R3HDM2: variants seen among roughly 807,000 people sequenced by gnomAD.
R3HDM2 encodes the protein R3H domain-containing protein 2.
Under a neutral mutation model 124.5 loss-of-function variants are expected in R3HDM2, and 38 were observed. The ratio of observed to expected loss-of-function variants is 0.31; its 90% confidence interval spans 0.24 to 0.40. The LOEUF (loss-of-function observed/expected upper bound fraction) is 0.40, where lower values mean the gene tolerates loss of function less well. Ranked by LOEUF, R3HDM2 falls within the 10% of genes least tolerant of loss-of-function variation. R3HDM2 has a pLI of 1.00. For missense variants in R3HDM2, 869 were observed against 1,236.9 expected, an observed-to-expected ratio of 0.70 and a Z score of 4.46; for synonymous variants, 391 against 448.0, an observed-to-expected ratio of 0.87 and a Z score of 1.61.
chr12:57,256,375 G>A (rs375273849), intron 22 of R3HDM2, 39 bp downstream of exon 22: 4 of 1,447,706 alleles, frequency 2.8e-6, no homozygotes, highest in Middle Eastern at 1.8e-4. Flanking sequence ...ATAAGAAGAG[G>A]GGTCTGATGG....
intron 1 of R3HDM2, among the ~76,000 whole-genome samples, chr12:57,425,626 C>A (rs1347561476): frequency 6.6e-6 from 1 of 151,582 alleles, no homozygotes; most frequent in Admixed American, 6.6e-5. Flanking sequence ...ATGGTGAAAC[C>A]CTGTCTCTAC....
chr12:57,430,713 G>T lies in R3HDM2; in HGVS notation c.-106+7C>A. 2.5e-6 allele frequency: 1 copy of T among 394,966 alleles called. No homozygotes were observed. The highest frequency in any genetic ancestry group is 3.4e-6 in the Non-Finnish European group (1 of 291,762). The allele number at this position is 394,966 out of a possible 1,614,324, so 24.5% of individuals were successfully genotyped here. A position where few individuals can be genotyped will look rare whatever the true frequency, so the allele number is the denominator to read the frequency against. On this transcript the variant is annotated splice_region_variant and intron_variant, in intron 1 of 23. Transcript: ENST00000402412. ...CGCCCGCCCCCTCGGCCGGGAGGTG[G>T]CCTCACCTCGCACGGGCCTTGGCGG...
chr12:57,395,044 T>C (rs1349175307), intron 2 of R3HDM2, among the ~76,000 whole-genome samples: 1 of 151,112 alleles, frequency 6.6e-6, no homozygotes, highest in Non-Finnish European at 1.5e-5. Flanking sequence ...CCGTCTCTAC[T>C]AAAAATACAA....
chr12:57,379,062 A>G (rs924401320), intron 2 of R3HDM2, among the ~76,000 whole-genome samples: 1 of 152,150 alleles, frequency 6.6e-6, no homozygotes, highest in African/African-American at 2.4e-5. Context: ...GGCTGGGGGA[A>G]AGGGGGAGAG....
intron 1 of R3HDM2, among the ~76,000 whole-genome samples, chr12:57,398,069 C>A (rs1221156911): frequency 1.3e-5 from 2 of 150,792 alleles, no homozygotes; most frequent in African/African-American, 4.9e-5. Context: ...GTAATTCCAG[C>A]TACTCAGGAG....
intron 14 of R3HDM2, chr12:57,272,440 A>T (rs2043782714): frequency 6.5e-7 from 1 of 1,538,258 alleles, no homozygotes; most frequent in African/African-American, 1.4e-5. Context: ...AAAAGGGGGA[A>T]TGGAGTTTAT....
intron 13 of R3HDM2, 52 bp from the exon 14 acceptor site, chr12:57,280,582 A>G: frequency 6.7e-7 from 1 of 1,488,104 alleles, no homozygotes; most frequent in Non-Finnish European, 9.0e-7. Flanking sequence ...CCACGAACAC[A>G]TTATCCCTGG....
At chr12:57,305,787 C>G (rs2052448205) in intron 3 of R3HDM2, 4 of 393,940 alleles carry the variant, frequency 1.0e-5, no homozygotes, top group Non-Finnish European at 1.8e-5. Flanking sequence ...CCCATAGATT[C>G]ATACATTTAC....
chr12:57,366,872 A>G (rs1191654307), intron 2 of R3HDM2, among the ~76,000 whole-genome samples: 4 of 151,918 alleles, frequency 2.6e-5, no homozygotes, highest in Admixed American at 6.6e-5. Flanking sequence ...TTGTATTTTT[A>G]GTAGAGACAG....
At chr12:57,349,566 G>GT (rs1473563493) in intron 2 of R3HDM2, among the ~76,000 whole-genome samples, 3,339 of 140,690 alleles carry the variant, frequency 0.024, 72 homozygotes, top group African/African-American at 0.05. Context: ...TTTTTTGGTT[G>GT]TTTTTTTTTT....
chr12:57,324,244 C>T (rs1013888211), intron 2 of R3HDM2, among the ~76,000 whole-genome samples: 7 of 152,172 alleles, frequency 4.6e-5, no homozygotes, highest in Admixed American at 2.6e-4. Flanking sequence ...AGTGCAATGG[C>T]GTGATCTCGG....
chr12:57,272,036 A>AG (rs1195821955), intron 14 of R3HDM2, among the ~76,000 whole-genome samples: 2 of 152,126 alleles, frequency 1.3e-5, no homozygotes, highest in African/African-American at 4.8e-5. Flanking sequence ...CTAGGACTAC[A>AG]GGTGTGTGCC....
chr12:57,281,384 G>A (rs943479394), intron 13 of R3HDM2, among the ~76,000 whole-genome samples: 2 of 151,742 alleles, frequency 1.3e-5, no homozygotes, highest in Non-Finnish European at 2.9e-5. Flanking sequence ...TCCAAGGCAT[G>A]AACTCATTCA....
At chr12:57,302,496 T>A (rs1403989895) in intron 4 of R3HDM2, among the ~76,000 whole-genome samples, 2 of 147,632 alleles carry the variant, frequency 1.4e-5, no homozygotes, top group African/African-American at 2.5e-5. Flanking sequence ...TGAAACCTCA[T>A]CTCTCCTAAA....
intron 1 of R3HDM2, among the ~76,000 whole-genome samples, chr12:57,403,827 A>AG (rs1310290920): frequency 6.6e-6 from 1 of 151,658 alleles, no homozygotes; most frequent in Non-Finnish European, 1.5e-5. Context: ...TCAAAAAAAA[A>AG]AAGGCAGGAT....
intron 2 of R3HDM2, among the ~76,000 whole-genome samples, chr12:57,352,123 T>C (rs1244464886): frequency 6.6e-6 from 1 of 151,090 alleles, no homozygotes; most frequent in African/African-American, 2.4e-5. Context: ...TTAACAAAAC[T>C]ACTTAGGGTA....
At chr12:57,376,092 TC>T (rs1384719473) in intron 2 of R3HDM2, among the ~76,000 whole-genome samples, 1 of 152,248 alleles carries the variant, frequency 6.6e-6, no homozygotes, top group Non-Finnish European at 1.5e-5. Context: ...AGTTTTGAGT[TC>T]TGGCACTCTT....
rs556664825 is a variant in R3HDM2, at chr12:57,255,106, C to G, written c.2640G>C (p.Gly880=). 1.3e-5 allele frequency: 21 copies of G among 1,581,728 alleles called. No homozygotes were observed. Among genetic ancestry groups the G allele is most frequent in the Admixed American group, 1.7e-5 (1 of 57,212 alleles). ...GGAGATCTGTCACCTCCAGCACCCG[C>G]CCCAGGACTGGAAGGGGAGGAGAGA... ...TDLGTADVVL[G]RVLEVTDLPE... Residue 880 remains glycine (G), a synonymous_variant, in exon 24 of 24, where the codon GGG becomes GGC. Coordinates refer to ENST00000402412, the MANE Select transcript of R3HDM2 (RefSeq NM_001394031.1).
chr12:57,356,058 C>T (rs1455787334), intron 2 of R3HDM2, among the ~76,000 whole-genome samples: 1 of 152,040 alleles, frequency 6.6e-6, no homozygotes, highest in Non-Finnish European at 1.5e-5. Flanking sequence ...TACTGTTTCC[C>T]CCACCCCCTT....
Sources: gnomAD v4.1 joint callset for allele counts (sites outside exome capture counted in the v4.1 genomes callset) on GRCh38, gnomAD v4.1.1 for gene constraint, MANE v1.5 for transcripts, NCBI Gene and HGNC (gene_info 2026-07-23, HGNC 2026-07-21) for gene names.